The following PDCD1LG2 variants were observed in gnomAD, a reference collection of about 807,000 sequenced individuals.
The protein encoded by PDCD1LG2 is programmed cell death 1 ligand 2, also known as B7 dendritic cell molecule.
PDCD1LG2 carries 32 observed loss-of-function variants against 28.2 expected under a neutral mutation model. The observed-to-expected ratio is 1.13, with a 90% confidence interval of 0.86 to 1.52. The LOEUF is 1.52. Among genes scored for constraint, PDCD1LG2 ranks in the 40% most tolerant of loss-of-function variants. The probability of loss-of-function intolerance (pLI) is 0.00; values close to 1 mark genes in which losing one functional copy is unlikely to be tolerated. For synonymous variants in PDCD1LG2, 116 were observed against 120.2 expected (o/e 0.97, Z 0.23); for missense variants, 385 against 323.8 (o/e 1.19, Z -1.45).
intron 2 of PDCD1LG2, among the ~76,000 whole-genome samples, chr9:5,526,872 A>G (rs1563823038): frequency 6.6e-6 from 1 of 152,222 alleles, no homozygotes; most frequent in Non-Finnish European, 1.5e-5. Flanking sequence ...GGAGATTTAT[A>G]TATTTTATTG....
intron 2 of PDCD1LG2, among the ~76,000 whole-genome samples, chr9:5,534,455 G>A (rs1339264302): frequency 1.3e-5 from 2 of 152,224 alleles, no homozygotes; most frequent in Non-Finnish European, 2.9e-5. Context: ...AGAGCAAGCA[G>A]TGCTGTCCAC....
intron 1 of PDCD1LG2, among the ~76,000 whole-genome samples, chr9:5,520,233 A>G (rs1283831193): frequency 6.6e-6 from 1 of 152,234 alleles, no homozygotes; most frequent in Non-Finnish European, 1.5e-5. Flanking sequence ...GTACTGACAT[A>G]GGATAGACAT....
intron 1 of PDCD1LG2, among the ~76,000 whole-genome samples, chr9:5,512,780 G>T (rs1031450736): frequency 6.6e-6 from 1 of 151,990 alleles, no homozygotes; most frequent in African/African-American, 2.4e-5. Flanking sequence ...TCTAAAATCA[G>T]CTCCCCATCT....
intron 3 of PDCD1LG2, among the ~76,000 whole-genome samples, chr9:5,536,223 G>A (rs1820577601): frequency 6.6e-6 from 1 of 152,286 alleles, no homozygotes; most frequent in Middle Eastern, 3.4e-3. Context: ...ATTTGTAGAA[G>A]ACGAACAATA....
At chr9:5,521,752 A>G (rs779254994) in intron 1 of PDCD1LG2, among the ~76,000 whole-genome samples, 1 of 152,194 alleles carries the variant, frequency 6.6e-6, no homozygotes, top group Non-Finnish European at 1.5e-5. Context: ...GCTCCAACAG[A>G]TTTCCCCTGA....
rs574222045 is a variant in PDCD1LG2 at position 5,516,683 on chromosome 9, A to T, written c.-14-5850A>T. On this transcript the variant is annotated intron_variant, in intron 1 of 6. Transcript: ENST00000397747. ...TCAGCCTCCCTCTGTGCTTGTCAGC[A>T]CCCAACATCTGGAAGAGGTCGAGGC... Among the ~76,000 whole-genome samples, 5 of 152,232 alleles carry T rather than the reference A, an allele frequency of 3.3e-5. No homozygotes were observed. In the South Asian group the frequency reaches 1.0e-3, roughly 32 times the overall value.
chr9:5,541,998 G>C (rs1820696680), intron 3 of PDCD1LG2, among the ~76,000 whole-genome samples: 1 of 152,136 alleles, frequency 6.6e-6, no homozygotes, highest in Non-Finnish European at 1.5e-5. Context: ...TAGACCAATG[G>C]AACAAAACGG....
At position 5,545,558 on chromosome 9, in the gene PDCD1LG2, AAAAGAGTGAGTTCT is replaced by A. The variant is rs575388759; in HGVS notation, c.362-3772_362-3759del. 7.9e-5 allele frequency among the ~76,000 whole-genome samples: 12 copies of A among 152,366 alleles called. No homozygotes were observed. The South Asian group carries it at 2.3e-3, about 29-fold the overall frequency. ...ATAACAAGGGACACTTCATAATGAT[AAAAGAGTGAGTTCT>A]AAAGGAACACATAACAATCCTAAAT... On this transcript the variant is annotated intron_variant, in intron 3 of 6. Coordinates refer to ENST00000397747, the MANE Select transcript of PDCD1LG2 (RefSeq NM_025239.4).
chr9:5,569,357 A>G lies in PDCD1LG2; in HGVS notation c.817-597A>G, dbSNP rs1300322458. 6.6e-6 allele frequency among the ~76,000 whole-genome samples: 1 copy of G among 152,202 alleles called. No individual in the cohort carries two copies. Among genetic ancestry groups the G allele is most frequent in the African/African-American group, 2.4e-5 (1 of 41,446 alleles). On this transcript the variant is annotated intron_variant, in intron 6 of 6. Transcript: ENST00000397747. This position sits in a 1 kb window ranked among gnomAD's most constrained non-coding sequence, Gnocchi z 4.1. ...AGAAAGGGGAGGGAGCAGTTCCCAG[A>G]ACCCTAGTAAAAATGGCAATGAGAA...
chr9:5,530,699 C>T (rs1820465920), intron 2 of PDCD1LG2, among the ~76,000 whole-genome samples: 1 of 152,196 alleles, frequency 6.6e-6, no homozygotes, highest in South Asian at 2.1e-4. Flanking sequence ...ACATCTACCT[C>T]GCAGAGTTGC....
chr9:5,522,627 TAAGA>T (rs753813802), intron 2 of PDCD1LG2, 26 bp downstream of exon 2: 1 of 1,609,118 alleles, frequency 6.2e-7, no homozygotes, highest in Non-Finnish European at 8.5e-7. Flanking sequence ...GGGAGAGGCT[TAAGA>T]AAGAAGAGCA....
At chr9:5,530,579 C>T (rs979589887) in intron 2 of PDCD1LG2, among the ~76,000 whole-genome samples, 1 of 151,842 alleles carries the variant, frequency 6.6e-6, no homozygotes, top group African/African-American at 2.4e-5. Flanking sequence ...GCATTGAAGA[C>T]ACAGAGATGA....
chr9:5,556,970 C>T lies in PDCD1LG2; in HGVS notation c.632-648C>T, dbSNP rs147694280. ...CCTCAGTGCTAGGACGTTGAAAAAC[C>T]GAAACAAGGCAAAGGGCCAATTGTA... On this transcript the variant is annotated intron_variant, in intron 4 of 6. Coordinates refer to ENST00000397747, the MANE Select transcript of PDCD1LG2 (RefSeq NM_025239.4). 7.6e-3 allele frequency among the ~76,000 whole-genome samples: 1,163 copies of T among 152,232 alleles called. 11 individuals are homozygous for T. Among genetic ancestry groups the T allele is most frequent in the Non-Finnish European group, 0.012 (806 of 68,016 alleles).
intron 1 of PDCD1LG2, among the ~76,000 whole-genome samples, chr9:5,512,434 C>T (rs1176964894): frequency 6.6e-6 from 1 of 152,150 alleles, no homozygotes; most frequent in Non-Finnish European, 1.5e-5. Context: ...GATGAACTGC[C>T]CCTGCTTTGA....
chr9:5,567,334 C>A (rs1816685640), intron 6 of PDCD1LG2, among the ~76,000 whole-genome samples: 1 of 152,226 alleles, frequency 6.6e-6, no homozygotes, highest in African/African-American at 2.4e-5. Flanking sequence ...AGAAATGGAG[C>A]TAGAACTCAG....
intron 1 of PDCD1LG2, among the ~76,000 whole-genome samples, chr9:5,521,254 G>A (rs1234991008): frequency 1.3e-5 from 2 of 152,066 alleles, no homozygotes; most frequent in Non-Finnish European, 2.9e-5. Flanking sequence ...TGGGTAAGGG[G>A]TTCCTTTTCA....
intron 5 of PDCD1LG2, among the ~76,000 whole-genome samples, chr9:5,561,135 G>T (rs1816554255): frequency 6.6e-6 from 1 of 152,112 alleles, no homozygotes; most frequent in Admixed American, 6.6e-5. Flanking sequence ...TGCTAGATCT[G>T]CTCTGTCCAA....
chr9:5,568,343 C>T (rs762638584), intron 6 of PDCD1LG2, among the ~76,000 whole-genome samples: 1 of 152,168 alleles, frequency 6.6e-6, no homozygotes, highest in Non-Finnish European at 1.5e-5. Flanking sequence ...AGCTCTACCT[C>T]CTGTGAGATC....
chr9:5,512,611 C>G (rs929504511), intron 1 of PDCD1LG2, among the ~76,000 whole-genome samples: 2 of 152,200 alleles, frequency 1.3e-5, no homozygotes, highest in Non-Finnish European at 2.9e-5. Flanking sequence ...TATATTCTCC[C>G]CATCAGATGG....
Sources: gnomAD v4.1 joint callset for allele counts (sites outside exome capture counted in the v4.1 genomes callset) on GRCh38, gnomAD v4.1.1 for gene constraint, Gnocchi (gnomAD v3.1) non-coding constraint, MANE v1.5 for transcripts, NCBI Gene and HGNC (gene_info 2026-07-23, HGNC 2026-07-21) for gene names.